The following LYST variants were observed in gnomAD, a reference collection of about 807,000 sequenced individuals.
LYST encodes lysosomal trafficking regulator.
A neutral mutation model predicts 413.6 loss-of-function variants in LYST; 192 were observed. The ratio of observed to expected loss-of-function variants is 0.46; its 90% CI spans 0.41 to 0.52. The LOEUF is 0.52. LYST is among the 20% of genes least tolerant of loss of function. The pLI, the probability that LYST is intolerant of heterozygous loss-of-function variation, is 0.00. For missense variants in LYST, 3,815 were observed against 4,499.9 expected, an observed-to-expected ratio of 0.85 and a Z score of 4.35; for synonymous variants, 1,525 against 1,567.3, an observed-to-expected ratio of 0.97 and a Z score of 0.64.
intron 46 of LYST, 25 bp downstream of exon 46, chr1:235,697,058 T>C (rs1236529047): frequency 1.2e-6 from 2 of 1,601,644 alleles, no homozygotes; most frequent in Admixed American, 3.3e-5. Context: ...ATATCCAGAA[T>C]GATCTTCGTT....
intron 45 of LYST, among the ~76,000 whole-genome samples, chr1:235,700,659 A>C (rs1661476173): frequency 6.6e-6 from 1 of 152,226 alleles, no homozygotes; most frequent in South Asian, 2.1e-4. Context: ...TATGGTGTCG[A>C]AAGTTTCACC....
At chr1:235,856,940 A>ATT (rs59484092) in intron 1 of LYST, among the ~76,000 whole-genome samples, 38 of 121,748 alleles carry the variant, frequency 3.1e-4, no homozygotes, top group Non-Finnish European at 5.4e-4. Context: ...GGATATACTG[A>ATT]TTTTTTTTTT....
rs775955971 is a variant in LYST at position 235,809,406 on chromosome 1, G to A, written c.1412C>T (p.Ala471Val). 9 of 1,613,820 alleles carry A rather than the reference G, an allele frequency of 5.6e-6. No homozygotes were observed. The highest frequency in any genetic ancestry group is 7.6e-6 in the Non-Finnish European group (9 of 1,179,956). Residue 471 changes from alanine (A) to valine (V), a missense_variant, in exon 5 of 53, where the codon GCC (alanine) becomes GTC (valine). Around this residue, in one of 4 missense-constraint regions of LYST, gnomAD observed 1,648 missense variants for 1,810.3 expected, o/e 0.91. Transcript: ENST00000389793. The surrounding 1 kb of genome is among the most constrained non-coding windows in gnomAD (Gnocchi z 4.0). ...VPPEASEHLKALINSVMKIMS... is the reference protein window; with the variant it reads ...VPPEASEHLKVLINSVMKIMS... ...TATTTTCATCACACTATTTATTAGG[G>A]CTTTCAAATGCTCTGAGGCCTCGGG...
At chr1:235,782,255 G>A (rs549648943) in intron 14 of LYST, among the ~76,000 whole-genome samples, 168 bp from the exon 15 acceptor site, 183 of 149,862 alleles carry the variant, frequency 1.2e-3, no homozygotes, top group African/African-American at 4.3e-3. Context: ...TGCAAGCTCC[G>A]CCTCCTGGGT....
At position 235,731,066 on chromosome 1, in the gene LYST, A is replaced by C. The variant is rs34702903; in HGVS notation, c.8913T>G (p.Asn2971Lys). Residue 2971 changes from asparagine to lysine, a missense_variant, in exon 35 of 53, where the codon AAT (asparagine) becomes AAG (lysine). By Grantham distance (94) the Asn-to-Lys change is moderately conservative (BLOSUM62 0). Transcript: ENST00000389793. The stretch of plus-strand genomic sequence containing the variant: ...TCTGTCTATCCCTAAGGAGATACTT[A>C]TTTGGAATAGTTAAATAACATCTCT... ...RLQRCYLTIP[N>K]KYLLRDRQKS... 6,560 of 1,613,680 alleles carry C rather than the reference A, an allele frequency of 4.1e-3. 16 individuals are homozygous for C. Among genetic ancestry groups the C allele is most frequent in the Non-Finnish European group, 5.2e-3 (6,100 of 1,179,606 alleles).
upstream of LYST, among the ~76,000 whole-genome samples, chr1:235,869,047 A>G (rs1680806272): frequency 6.6e-6 from 1 of 152,230 alleles, no homozygotes; most frequent in African/African-American, 2.4e-5. Context: ...ATTCAATAGT[A>G]TCTTAGAACA....
intron 19 of LYST, among the ~76,000 whole-genome samples, chr1:235,770,990 T>C (rs1668611287): frequency 6.6e-6 from 1 of 152,228 alleles, no homozygotes; most frequent in African/African-American, 2.4e-5. Flanking sequence ...CTAATTGACC[T>C]TTCAATAAAG....
rs141758032 is a variant in LYST, at chr1:235,806,227, A to G, written c.2909T>C (p.Ile970Thr). The G allele has an allele frequency of 2.9e-5, 46 of 1,614,032 alleles. No individual in the cohort carries two copies. The African/African-American group carries it at 5.7e-4, about 20-fold the overall frequency. The stretch of plus-strand genomic sequence containing the variant: ...CTGGAACACTGAACTCAACATGTAG[A>G]TCCAACGACACATAGACCAAATGTC... ...AADIWSMCRW[I>T]YMLSSVFQKQ... The change falls in exon 6 of 53, where the codon ATC becomes ACC. Residue 970 changes from isoleucine to threonine, a missense_variant. By Grantham distance (89) the Ile-to-Thr change is moderately conservative. Coordinates refer to ENST00000389793, the MANE Select transcript of LYST (RefSeq NM_000081.4).
chr1:235,671,646 A>G (rs1448179137), intron 50 of LYST, among the ~76,000 whole-genome samples: 2 of 152,220 alleles, frequency 1.3e-5, no homozygotes, highest in Non-Finnish European at 2.9e-5. Flanking sequence ...AGCAAGTGAA[A>G]AGGCCCTAAA....
rs1262464622 is a variant in LYST, at chr1:235,702,819, T to C, written c.10302A>G (p.Pro3434=). The C allele has an allele frequency of 6.2e-7, 1 of 1,614,230 alleles. No homozygotes were observed. Among genetic ancestry groups the C allele is most frequent in the Non-Finnish European group, 8.5e-7 (1 of 1,180,032 alleles). ...GAKLNIEGEL[P]AAVGLLVQFA... is the part of the protein sequence containing the mutation. ...ACTGCACTAGCAACCCCACAGCAGCTGGAAGCTCTCCTTCAATATTGAGCT... is the reference window on the plus strand; with the variant it reads ...ACTGCACTAGCAACCCCACAGCAGCCGGAAGCTCTCCTTCAATATTGAGCT... The change falls in exon 45 of 53, where the codon CCA becomes CCG. Residue 3434 remains proline, a synonymous_variant. Coordinates refer to ENST00000389793, the MANE Select transcript of LYST (RefSeq NM_000081.4).
At chr1:235,835,770 T>G (rs1185133542) in intron 1 of LYST, among the ~76,000 whole-genome samples, 2 of 152,204 alleles carry the variant, frequency 1.3e-5, no homozygotes, top group Admixed American at 6.5e-5. Context: ...TATATTTGCC[T>G]CTGTTTCCAA....
chr1:235,729,738 A>G, intron 36 of LYST, 81 bp from the exon 37 acceptor site: 1 of 1,002,880 alleles, frequency 1.0e-6, no homozygotes, highest in Non-Finnish European at 1.6e-6. Context: ...TACCTAGTAA[A>G]AGATTTCTGC....
intron 45 of LYST, among the ~76,000 whole-genome samples, chr1:235,699,708 G>A (rs781175881): frequency 2.0e-5 from 3 of 152,128 alleles, no homozygotes; most frequent in Non-Finnish European, 4.4e-5. Flanking sequence ...GTGTAAAAGC[G>A]TTCCTATTTC....
At chr1:235,798,704 T>G (rs1572293681) in intron 10 of LYST, among the ~76,000 whole-genome samples, 1 of 148,266 alleles carries the variant, frequency 6.7e-6, no homozygotes, top group Non-Finnish European at 1.5e-5. Context: ...ACAACATGAA[T>G]GAAGGTTGAA....
chr1:235,822,429 A>T (rs1436435927), intron 3 of LYST, among the ~76,000 whole-genome samples: 2 of 152,182 alleles, frequency 1.3e-5, no homozygotes, highest in African/African-American at 2.4e-5. Context: ...CTCCTATCTC[A>T]TTATTGTATA....
chr1:235,732,585 C>T (rs1235665903), intron 34 of LYST, among the ~76,000 whole-genome samples: 1 of 152,124 alleles, frequency 6.6e-6, no homozygotes, highest in African/African-American at 2.4e-5. Context: ...ACAATGCCAC[C>T]AAAGTTCTGA....
At chr1:235,799,610 C>T (rs991600971) in intron 10 of LYST, among the ~76,000 whole-genome samples, 1 of 152,044 alleles carries the variant, frequency 6.6e-6, no homozygotes, top group Non-Finnish European at 1.5e-5. Flanking sequence ...CTTAATTCTC[C>T]AACTAAAATT....
At chr1:235,665,482 G>A (rs1558094769) in intron 50 of LYST, among the ~76,000 whole-genome samples, 1 of 151,690 alleles carries the variant, frequency 6.6e-6, no homozygotes, top group Non-Finnish European at 1.5e-5. Context: ...GGTGGTGGCG[G>A]GCGCCTGTAG....
intron 25 of LYST, among the ~76,000 whole-genome samples, chr1:235,755,080 CAAAAAAAAAA>C (rs763926458): frequency 3.4e-5 from 1 of 28,986 alleles, no homozygotes; most frequent in African/African-American, 1.3e-4. Context: ...GACATTGTCT[CAAAAAAAAAA>C]AAAAAAAAAA....
Sources: allele counts gnomAD v4.1 joint callset (sites outside exome capture counted in the v4.1 genomes callset), GRCh38; gene constraint gnomAD v4.1.1; regional missense constraint gnomAD v4.1.1; non-coding constraint Gnocchi (gnomAD v3.1); transcripts MANE v1.5; gene names NCBI Gene and HGNC (gene_info 2026-07-23, HGNC 2026-07-21).